Variants in UTP20 observed in about 807,000 individuals in gnomAD.
UTP20 encodes small subunit processome component 20 homolog.
A neutral mutation model predicts 329.5 loss-of-function variants in UTP20; 164 were observed. The ratio of observed to expected loss-of-function variants is 0.50; its 90% CI spans 0.44 to 0.57. The LOEUF (loss-of-function observed/expected upper bound fraction) is 0.57, where lower values mean the gene tolerates loss of function less well. UTP20 is among the 20% of genes least tolerant of loss of function. The pLI is 0.00. For missense variants in UTP20, 3,055 were observed against 3,284.2 expected (o/e 0.93, Z 1.71); for synonymous variants, 1,151 against 1,159.3 (o/e 0.99, Z 0.14).
chr12:101,292,648 A>G (rs1245334043), intron 10 of UTP20, among the ~76,000 whole-genome samples: 1 of 152,170 alleles, frequency 6.6e-6, no homozygotes, highest in African/African-American at 2.4e-5. Flanking sequence ...ATACTAAGAG[A>G]GGGAACAGAA....
intron 41 of UTP20, among the ~76,000 whole-genome samples, chr12:101,356,168 C>T (rs2120982104): frequency 6.6e-6 from 1 of 152,208 alleles, no homozygotes; most frequent in South Asian, 2.1e-4. Flanking sequence ...CTCTTGTTGC[C>T]CAGGCTGGAG....
At chr12:101,369,219 C>G (rs1346497609) in intron 48 of UTP20, among the ~76,000 whole-genome samples, 1 of 152,058 alleles carries the variant, frequency 6.6e-6, no homozygotes, top group Admixed American at 6.6e-5. Flanking sequence ...CATTAAAGTA[C>G]CATTCTAGAA....
chr12:101,282,059 A>G (rs1003613290), intron 2 of UTP20, among the ~76,000 whole-genome samples: 4 of 152,264 alleles, frequency 2.6e-5, no homozygotes, highest in African/African-American at 7.2e-5. Flanking sequence ...TCCTCCTAGC[A>G]TTTTAAGGTC....
intron 27 of UTP20, among the ~76,000 whole-genome samples, chr12:101,330,028 C>A (rs1244002861): frequency 6.7e-6 from 1 of 149,642 alleles, no homozygotes; most frequent in African/African-American, 2.5e-5. Flanking sequence ...AAAAAAGGGA[C>A]ATTAAAATAG....
At chr12:101,311,591 G>A (rs1019713569) in intron 19 of UTP20, 128 bp from the exon 20 acceptor site, 14 of 773,458 alleles carry the variant, frequency 1.8e-5, no homozygotes, top group African/African-American at 3.5e-5. Flanking sequence ...AGGTGTTTAC[G>A]ACTCCACATT....
chr12:101,364,590 G>A (rs1305171938), intron 45 of UTP20, among the ~76,000 whole-genome samples: 2 of 152,168 alleles, frequency 1.3e-5, no homozygotes, highest in East Asian at 3.8e-4. Flanking sequence ...ATCAGGGAAT[G>A]TAATTTACCC....
chr12:101,357,106 A>G (rs1258287562), intron 43 of UTP20, 24 bp downstream of exon 43: 2 of 1,590,278 alleles, frequency 1.3e-6, no homozygotes, highest in Admixed American at 1.8e-5. Context: ...TGTGCTTTAT[A>G]TTCAAGTTGT....
At chr12:101,357,419 T>C (rs915807266) in intron 43 of UTP20, among the ~76,000 whole-genome samples, 1 of 152,148 alleles carries the variant, frequency 6.6e-6, no homozygotes, top group Non-Finnish European at 1.5e-5. Flanking sequence ...ATAAAGAACA[T>C]ACACATCTGT....
At chr12:101,321,665 T>TTAA in intron 25 of UTP20, 36 bp downstream of exon 25, 1 of 1,603,396 alleles carries the variant, frequency 6.2e-7, no homozygotes, top group Non-Finnish European at 8.5e-7. Flanking sequence ...TTTTAAAAAG[T>TTAA]TAATAACAAA....
Position 101,286,320 on chromosome 12 carries a change from G to T in UTP20, c.327-1G>T, listed in dbSNP as rs990192929. On this transcript the variant is annotated splice_acceptor_variant, in intron 4 of 61. Transcript: ENST00000261637. LOFTEE classifies it high-confidence loss of function. ...ATCAGTTGCTTCTTTTTTTAATCCA[G>T]TTTGGTTGTACAGTTGGCACGAGAT... 2 of 1,573,574 alleles carry T rather than the reference G, an allele frequency of 1.3e-6. No individual in the cohort carries two copies. The highest frequency in any genetic ancestry group is 1.7e-6 in the Non-Finnish European group (2 of 1,161,180).
intron 58 of UTP20, among the ~76,000 whole-genome samples, chr12:101,382,597 A>C (rs1405107566): frequency 1.3e-5 from 2 of 152,050 alleles, no homozygotes; most frequent in African/African-American, 4.8e-5. Context: ...TCACACCTGT[A>C]ATCGCATCAC....
rs774908710 is a variant in UTP20 at position 101,385,713 on chromosome 12, G to A, written c.8187G>A (p.Lys2729=). ...QANEKRALRK[K]RKALEFVTNP... The stretch of plus-strand genomic sequence containing the variant: ...ATGAGAAAAGGGCACTCCGGAAAAA[G>A]AGGAAGGCCCTGGAGGTAAGTTTGC... The change falls in exon 61 of 62, where the codon AAG becomes AAA. Residue 2729 remains lysine (K), a synonymous_variant. Coordinates refer to ENST00000261637, the MANE Select transcript of UTP20 (RefSeq NM_014503.3). 3 of 1,611,182 alleles carry A rather than the reference G, an allele frequency of 1.9e-6. No individual in the cohort carries two copies. Among genetic ancestry groups the A allele is most frequent in the South Asian group, 1.1e-5 (1 of 90,192 alleles).
chr12:101,375,275 G>T (rs539295868), intron 55 of UTP20, among the ~76,000 whole-genome samples: 45 of 152,146 alleles, frequency 3.0e-4, no homozygotes, highest in African/African-American at 1.1e-3. Flanking sequence ...AAAAAATGGG[G>T]GGTTGGGGGA....
intron 2 of UTP20, among the ~76,000 whole-genome samples, chr12:101,284,269 T>A (rs989402052): frequency 5.3e-5 from 8 of 152,108 alleles, no homozygotes; most frequent in Non-Finnish European, 8.8e-5. Context: ...TAATCCACAG[T>A]GTTCATTGTT....
At position 101,289,051 on chromosome 12, in the gene UTP20, G is replaced by A. The variant is rs767203889; in HGVS notation, c.597+10G>A. ...TTTTTTGATGAGAAAGGTTAGTCTG[G>A]TATTTTATCTGTTTGTTGCTAATCA... On this transcript the variant is annotated intron_variant, in intron 6 of 61. Coordinates refer to ENST00000261637, the MANE Select transcript of UTP20 (RefSeq NM_014503.3). The A allele has an allele frequency of 1.2e-6, 2 of 1,602,368 alleles. No homozygotes were observed. Among genetic ancestry groups the A allele is most frequent in the Non-Finnish European group, 1.7e-6 (2 of 1,170,090 alleles).
In UTP20 at chr12:101,297,121, A is replaced by G. The variant is rs1436808302; in HGVS notation, c.1430+1463A>G. On this transcript the variant is annotated intron_variant, in intron 12 of 61. Transcript: ENST00000261637. ...ACTTTGAAACATCCATGGAGGTGGGAGTTACTGTCCCACAGTCACAGAGCA... is the reference window on the plus strand; with the variant it reads ...ACTTTGAAACATCCATGGAGGTGGGGGTTACTGTCCCACAGTCACAGAGCA... Among the ~76,000 whole-genome samples the G allele has an allele frequency of 2.6e-5, 4 of 152,276 alleles. No homozygotes were observed. In the East Asian group the frequency reaches 7.7e-4, roughly 29 times the overall value.
At chr12:101,306,580 C>T in intron 16 of UTP20, 119 bp from the exon 17 acceptor site, 1 of 901,174 alleles carries the variant, frequency 1.1e-6, no homozygotes, top group Non-Finnish European at 1.6e-6. Flanking sequence ...GCACATATTA[C>T]TCTGGTCAAA....
chr12:101,377,828 T>C (rs1320821172), intron 56 of UTP20, among the ~76,000 whole-genome samples: 5 of 152,200 alleles, frequency 3.3e-5, no homozygotes, highest in Admixed American at 2.0e-4. Flanking sequence ...TTCCATTATA[T>C]GTTTAAGTCC....
intron 6 of UTP20, 178 bp from the exon 7 acceptor site, chr12:101,289,959 C>T: frequency 5.1e-6 from 2 of 396,004 alleles, no homozygotes; most frequent in Non-Finnish European, 8.6e-6. Flanking sequence ...TTTTGTGTGA[C>T]ATTCCAAGTG....
Sources: allele counts gnomAD v4.1 joint callset (sites outside exome capture counted in the v4.1 genomes callset), GRCh38; gene constraint gnomAD v4.1.1; transcripts MANE v1.5; gene names NCBI Gene and HGNC (gene_info 2026-07-23, HGNC 2026-07-21).